The following CACNA2D3 variants were observed in gnomAD, a reference collection of about 807,000 sequenced individuals.
The protein encoded by CACNA2D3 is voltage-dependent calcium channel subunit alpha-2/delta-3.
CACNA2D3 carries 60 observed loss-of-function variants against 160.6 expected under a neutral mutation model. The observed-to-expected ratio is 0.37, with a 90% CI of 0.30 to 0.46. CACNA2D3 has a LOEUF of 0.46. CACNA2D3 is among the 20% of genes least tolerant of loss of function. The probability of loss-of-function intolerance (pLI) is 1.00; values close to 1 mark genes in which losing one functional copy is unlikely to be tolerated. For missense variants in CACNA2D3, 1,205 were observed against 1,365.0 expected, an observed-to-expected ratio of 0.88 and a Z score of 1.85; for synonymous variants, 558 against 492.9, an observed-to-expected ratio of 1.13 and a Z score of -1.75.
At chr3:54,317,787 C>T (rs997048018) in intron 2 of CACNA2D3, among the ~76,000 whole-genome samples, 8 of 152,194 alleles carry the variant, frequency 5.3e-5, no homozygotes, top group African/African-American at 1.9e-4. Context: ...GATCCACCCA[C>T]CTTGGCCTCC....
At chr3:54,687,474 A>G (rs983424334) in intron 11 of CACNA2D3, among the ~76,000 whole-genome samples, 6 of 151,686 alleles carry the variant, frequency 4.0e-5, no homozygotes, top group Non-Finnish European at 8.8e-5. Context: ...CTTGGGACAA[A>G]TTTTTCTAAG....
At chr3:54,816,606 G>A (rs1328510704) in intron 13 of CACNA2D3, among the ~76,000 whole-genome samples, 1 of 152,176 alleles carries the variant, frequency 6.6e-6, no homozygotes, top group Admixed American at 6.5e-5. Context: ...CTTTGGATGT[G>A]GTGATTCCCA....
In CACNA2D3 at chr3:54,252,860, G is replaced by A. The variant is rs573065749; in HGVS notation, c.205-67582G>A. Among the ~76,000 whole-genome samples, 227 of 147,200 alleles carry A rather than the reference G, an allele frequency of 1.5e-3. 1 individual carries two copies. Among genetic ancestry groups the A allele is most frequent in the African/African-American group, 5.3e-3 (212 of 39,702 alleles). ...GTAGAGAGGTAGCAGAAAGAGAAGT[G>A]CAGCAGGATTAAGCCCCCCGGGAAA... On this transcript the variant is annotated intron_variant, in intron 2 of 37. Coordinates refer to ENST00000474759, the MANE Select transcript of CACNA2D3 (RefSeq NM_018398.3).
intron 11 of CACNA2D3, among the ~76,000 whole-genome samples, chr3:54,706,231 A>T (rs945643115): frequency 2.0e-5 from 3 of 152,174 alleles, no homozygotes; most frequent in Admixed American, 2.0e-4. Context: ...TTCAGCTGAG[A>T]TGGAGTTTGG....
intron 17 of CACNA2D3, among the ~76,000 whole-genome samples, chr3:54,866,643 C>T (rs1471924971): frequency 2.6e-5 from 4 of 152,212 alleles, no homozygotes; most frequent in Non-Finnish European, 5.9e-5. Flanking sequence ...TGGCCTTTCC[C>T]AGAACACAGA....
At chr3:55,008,256 G>T (rs540876936) in intron 33 of CACNA2D3, among the ~76,000 whole-genome samples, 82 of 152,304 alleles carry the variant, frequency 5.4e-4, no homozygotes, top group Non-Finnish European at 9.0e-4. Context: ...GTCAGCTAGG[G>T]CTGGGGGCTT....
intron 3 of CACNA2D3, among the ~76,000 whole-genome samples, chr3:54,371,925 A>G (rs1229283253): frequency 1.3e-5 from 2 of 152,252 alleles, no homozygotes; most frequent in Non-Finnish European, 1.5e-5. Flanking sequence ...TCTATTTAAT[A>G]TGAATAATTA....
At chr3:54,464,895 C>G (rs1700586000) in intron 4 of CACNA2D3, among the ~76,000 whole-genome samples, 1 of 152,222 alleles carries the variant, frequency 6.6e-6, no homozygotes, top group African/African-American at 2.4e-5. Flanking sequence ...TAGACCGGAG[C>G]TGTTCCTATT....
intron 11 of CACNA2D3, among the ~76,000 whole-genome samples, chr3:54,710,665 A>G (rs1395894299): frequency 6.6e-6 from 1 of 152,208 alleles, no homozygotes; most frequent in East Asian, 1.9e-4. Flanking sequence ...ATTGGTGAAC[A>G]GCTTGATTTT....
At chr3:54,462,610 T>C (rs1354198209) in intron 4 of CACNA2D3, among the ~76,000 whole-genome samples, 1 of 152,176 alleles carries the variant, frequency 6.6e-6, no homozygotes, top group Non-Finnish European at 1.5e-5. Flanking sequence ...CTGCCTTTTT[T>C]TGTTTTCCAT....
intron 2 of CACNA2D3, among the ~76,000 whole-genome samples, chr3:54,125,339 T>C (rs569332080): frequency 6.6e-5 from 10 of 152,176 alleles, no homozygotes; most frequent in African/African-American, 2.2e-4. Context: ...AAGGCTGAAA[T>C]GCTTCTCTTA....
At chr3:54,175,928 A>T (rs1281670094) in intron 2 of CACNA2D3, among the ~76,000 whole-genome samples, 3 of 152,206 alleles carry the variant, frequency 2.0e-5, no homozygotes, top group Admixed American at 6.5e-5. Context: ...TTGATATAAA[A>T]GTCTGTCCAG....
At chr3:54,450,787 C>T (rs1486799337) in intron 4 of CACNA2D3, among the ~76,000 whole-genome samples, 1 of 152,062 alleles carries the variant, frequency 6.6e-6, no homozygotes, top group Non-Finnish European at 1.5e-5. Flanking sequence ...CTAAGACAAT[C>T]TCATGTAATT....
intron 11 of CACNA2D3, among the ~76,000 whole-genome samples, chr3:54,652,883 A>G (rs947564910): frequency 5.3e-5 from 8 of 150,202 alleles, no homozygotes; most frequent in Admixed American, 1.3e-4. Context: ...CCTGGATTCA[A>G]GTGATTCTCC....
At chr3:54,371,270 T>G (rs566069766) in intron 3 of CACNA2D3, among the ~76,000 whole-genome samples, 93 of 152,326 alleles carry the variant, frequency 6.1e-4, no homozygotes, top group South Asian at 1.7e-3. Context: ...ACTCTTGTAT[T>G]TAACCTTTTG....
chr3:54,925,058 C>T (rs769519094), intron 27 of CACNA2D3: 1 of 1,614,016 alleles, frequency 6.2e-7, no homozygotes, highest in Non-Finnish European at 8.5e-7. Flanking sequence ...CTTGTAAATG[C>T]AGCGTTCGAG....
intron 4 of CACNA2D3, among the ~76,000 whole-genome samples, chr3:54,482,293 A>G (rs1424260044): frequency 6.6e-6 from 1 of 152,152 alleles, no homozygotes; most frequent in Non-Finnish European, 1.5e-5. Context: ...GTGGTGCGTA[A>G]ACTCATGAAT....
At chr3:54,821,689 T>TTCC (rs1559594950) in intron 14 of CACNA2D3, among the ~76,000 whole-genome samples, 5 of 90,198 alleles carry the variant, frequency 5.5e-5, no homozygotes, top group South Asian at 6.7e-4. Flanking sequence ...TCTTTCTTTC[T>TTCC]TTCTTTCTTT....
intron 35 of CACNA2D3, among the ~76,000 whole-genome samples, chr3:55,022,527 C>CTTCCTTCCTTCTTTCTTTCT (rs1440923446): frequency 2.1e-5 from 3 of 139,622 alleles, no homozygotes; most frequent in South Asian, 2.1e-4. Context: ...TTGTTCCTTT[C>CTTCCTTCCTTCTTTCTTTCT]TTCCTTCCTT....
Sources: allele counts gnomAD v4.1 joint callset (sites outside exome capture counted in the v4.1 genomes callset), GRCh38; gene constraint gnomAD v4.1.1; transcripts MANE v1.5; gene names NCBI Gene and HGNC (gene_info 2026-07-23, HGNC 2026-07-21).